The following ROBO2 variants were observed in gnomAD, a reference collection of about 807,000 sequenced individuals.
ROBO2 encodes roundabout guidance receptor 2, also known as roundabout homolog 2.
A neutral mutation model predicts 160.8 loss-of-function variants in ROBO2; 53 were observed. The observed-to-expected ratio is 0.33, with a 90% confidence interval of 0.26 to 0.41. The LOEUF (loss-of-function observed/expected upper bound fraction) is 0.41. Ranked by LOEUF, ROBO2 falls within the 10% of genes least tolerant of loss-of-function variation. The pLI, the probability that ROBO2 is intolerant of heterozygous loss-of-function variation, is 1.00. For missense variants in ROBO2, 1,577 were observed against 1,722.4 expected (o/e 0.92, Z 1.49); for synonymous variants, 664 against 611.7 (o/e 1.09, Z -1.26).
intron 2 of ROBO2, among the ~76,000 whole-genome samples, chr3:75,981,405 G>A (rs2065270530): frequency 6.6e-6 from 1 of 151,322 alleles, no homozygotes; most frequent in South Asian, 2.1e-4. Context: ...TTGAAAGACA[G>A]TGTTAATTAT....
At chr3:76,475,859 C>T (rs2078905807) in intron 2 of ROBO2, among the ~76,000 whole-genome samples, 1 of 152,158 alleles carries the variant, frequency 6.6e-6, no homozygotes, top group African/African-American at 2.4e-5. Context: ...ATGCTTTTGT[C>T]AACTTTGCCT....
At chr3:76,434,672 G>T in intron 2 of ROBO2, 1 of 1,166,398 alleles carries the variant, frequency 8.6e-7, no homozygotes, top group South Asian at 1.2e-5. Flanking sequence ...TGGACCCTCT[G>T]CTGGATCAGG....
At chr3:76,132,410 C>T (rs996426824) in intron 2 of ROBO2, among the ~76,000 whole-genome samples, 21 of 120,812 alleles carry the variant, frequency 1.7e-4, no homozygotes, top group South Asian at 1.6e-3. Context: ...GGGGGGGGGA[C>T]GCAGATGTTC....
At chr3:77,326,092 C>T (rs1201201677) in intron 2 of ROBO2, among the ~76,000 whole-genome samples, 1 of 152,164 alleles carries the variant, frequency 6.6e-6, no homozygotes, top group Non-Finnish European at 1.5e-5. Context: ...TAAATACTCA[C>T]TGAATGAAAA....
intron 2 of ROBO2, among the ~76,000 whole-genome samples, chr3:75,984,454 A>C (rs1174821606): frequency 2.6e-5 from 4 of 151,482 alleles, no homozygotes; most frequent in African/African-American, 9.7e-5. Context: ...ATAAACCAAT[A>C]ATTAGCATTT....
At chr3:77,386,307 A>G (rs919061301) in intron 2 of ROBO2, among the ~76,000 whole-genome samples, 14 of 152,186 alleles carry the variant, frequency 9.2e-5, no homozygotes, top group South Asian at 2.1e-4. Context: ...AATTTACAGT[A>G]TCTTCAGGAC....
chr3:77,332,394 G>A (rs1002066510), intron 2 of ROBO2, among the ~76,000 whole-genome samples: 5 of 152,060 alleles, frequency 3.3e-5, no homozygotes, highest in Non-Finnish European at 5.9e-5. Flanking sequence ...CAGCTCTGTA[G>A]GTACATTTTA....
chr3:76,555,410 AGAAGAAGAAAGAAGG>A lies in ROBO2; in HGVS notation c.110-542603_110-542589del, dbSNP rs201994823. Among the ~76,000 whole-genome samples, 396 of 74,190 alleles carry A rather than the reference AGAAGAAGAAAGAAGG, an allele frequency of 5.3e-3. 10 individuals carry two copies. The highest frequency in any genetic ancestry group is 0.013 in the Non-Finnish European group (322 of 24,930). The allele number at this position is 74,190 out of a possible 152,430, so 48.7% of individuals were successfully genotyped here. A position where few individuals can be genotyped will look rare whatever the true frequency, so the allele number is the denominator to read the frequency against. On this transcript the variant is annotated intron_variant, in intron 2 of 26. Transcript: ENST00000487694. ...AAGAAGAAGAAGAAGAAGAAGAAGA[AGAAGAAGAAAGAAGG>A]AGAAGGGGAAGGGGAAGAGGAAGAG...
intron 2 of ROBO2, among the ~76,000 whole-genome samples, chr3:76,567,644 TATATATATAC>T (rs1376248931): frequency 0.032 from 3,150 of 98,666 alleles, 218 homozygotes; most frequent in African/African-American, 0.083. Context: ...TATATATATA[TATATATATAC>T]ACATACACAT....
intron 4 of ROBO2, among the ~76,000 whole-genome samples, chr3:77,484,880 GTTC>G (rs2085158085): frequency 6.6e-6 from 1 of 151,774 alleles, no homozygotes; most frequent in Admixed American, 6.6e-5. Context: ...TACTATTTTT[GTTC>G]TTCTTTGAAT....
chr3:76,611,917 T>C (rs2088158353), intron 2 of ROBO2, among the ~76,000 whole-genome samples: 1 of 152,216 alleles, frequency 6.6e-6, no homozygotes, highest in African/African-American at 2.4e-5. Context: ...TTCCTCTTGG[T>C]ACTACTTTTG....
Position 77,238,089 on chromosome 3 carries a change from T to TG in ROBO2, c.388+139749_388+139750insG, listed in dbSNP as rs937985354. ...GACACAATTTCTAATCAGATTTTTT[T>TG]TTGCTGTTGAGATTTTAGGGTTCTT... On this transcript the variant is annotated intron_variant, in intron 2 of 25. Coordinates refer to ENST00000461745, the Ensembl canonical transcript of ROBO2. Among the ~76,000 whole-genome samples the TG allele has an allele frequency of 1.8e-3, 275 of 152,080 alleles. 4 individuals are homozygous for TG. The highest frequency in any genetic ancestry group is 2.9e-3 in the South Asian group (14 of 4,810).
chr3:76,708,122 T>C (rs934565979), intron 2 of ROBO2, among the ~76,000 whole-genome samples: 1 of 152,172 alleles, frequency 6.6e-6, no homozygotes, highest in African/African-American at 2.4e-5. Flanking sequence ...CTGAAATTGC[T>C]GTCTATTCAA....
intron 2 of ROBO2, among the ~76,000 whole-genome samples, chr3:77,253,882 T>G (rs1372741183): frequency 6.6e-6 from 1 of 152,182 alleles, no homozygotes; most frequent in Admixed American, 6.5e-5. Context: ...ACCTCTAATC[T>G]GTAATATTTG....
chr3:77,084,689 G>A lies in ROBO2; in HGVS notation c.62-13325G>A, dbSNP rs7651189. On this transcript the variant is annotated intron_variant, in intron 1 of 25. Transcript: ENST00000461745. ...ATCCCTCCTCTGATAAGGCTTCAAAGTAAATGGGCTGAGTGGAAAACAACA... is the reference window on the plus strand; with the variant it reads ...ATCCCTCCTCTGATAAGGCTTCAAAATAAATGGGCTGAGTGGAAAACAACA... 8.6e-3 allele frequency among the ~76,000 whole-genome samples: 1,309 copies of A among 152,180 alleles called. 13 individuals carry two copies. The highest frequency in any genetic ancestry group is 0.029 in the African/African-American group (1,223 of 41,522).
intron 4 of ROBO2, among the ~76,000 whole-genome samples, chr3:77,486,013 T>C (rs979496695): frequency 1.3e-5 from 2 of 152,206 alleles, no homozygotes; most frequent in Non-Finnish European, 2.9e-5. Context: ...CTCCCACTTA[T>C]AAGTAAGAAC....
intron 2 of ROBO2, among the ~76,000 whole-genome samples, chr3:77,163,126 G>A (rs549444808): frequency 2.2e-3 from 338 of 152,180 alleles, no homozygotes; most frequent in Non-Finnish European, 2.5e-3. Flanking sequence ...GTGAGCCACC[G>A]TACCTGGCCA....
chr3:76,175,338 T>C (rs2073192254), intron 2 of ROBO2, among the ~76,000 whole-genome samples: 2 of 152,056 alleles, frequency 1.3e-5, no homozygotes, highest in Non-Finnish European at 2.9e-5. Context: ...TGACTTACTC[T>C]CTTTCTATTT....
intron 2 of ROBO2, among the ~76,000 whole-genome samples, chr3:76,576,656 C>T (rs949052681): frequency 7.2e-6 from 1 of 139,860 alleles, no homozygotes; most frequent in Non-Finnish European, 1.6e-5. Flanking sequence ...ACACTTTACC[C>T]TTTGTGTTTT....
Sources: allele counts gnomAD v4.1 joint callset (sites outside exome capture counted in the v4.1 genomes callset), GRCh38; gene constraint gnomAD v4.1.1; transcripts MANE v1.5; gene names NCBI Gene and HGNC (gene_info 2026-07-23, HGNC 2026-07-21).